MACO1: variants seen among roughly 807,000 people sequenced by gnomAD.
The protein encoded by MACO1 is macoilin 1.
MACO1 carries 14 observed loss-of-function variants against 78.7 expected under a neutral mutation model. The observed-to-expected ratio is 0.18, with a 90% confidence interval of 0.12 to 0.28. The LOEUF is 0.28. MACO1 is among the 10% of genes least tolerant of loss of function. The probability of loss-of-function intolerance (pLI) is 1.00; values close to 1 mark genes in which losing one functional copy is unlikely to be tolerated. For missense variants in MACO1, 501 were observed against 799.0 expected (o/e 0.63, Z 4.50); for synonymous variants, 288 against 291.6 (o/e 0.99, Z 0.12).
chr1:25,492,537 A>C (rs1455835124), intron 10 of MACO1, among the ~76,000 whole-genome samples: 1 of 152,006 alleles, frequency 6.6e-6, no homozygotes, highest in Non-Finnish European at 1.5e-5. Flanking sequence ...GGTACTCTGC[A>C]GGCAGAGGGT....
chr1:25,448,378 C>T (rs2043034193), intron 2 of MACO1, among the ~76,000 whole-genome samples: 1 of 152,080 alleles, frequency 6.6e-6, no homozygotes, highest in Non-Finnish European at 1.5e-5. Flanking sequence ...GCAGAAGAAT[C>T]GCTTGAACCC....
intron 6 of MACO1, among the ~76,000 whole-genome samples, chr1:25,469,763 A>G (rs1369750327): frequency 6.6e-6 from 1 of 151,130 alleles, no homozygotes; most frequent in Non-Finnish European, 1.5e-5. Context: ...CAGCCTCCCG[A>G]GTAGCTGGGA....
chr1:25,465,268 T>C (rs1043465812), intron 6 of MACO1, among the ~76,000 whole-genome samples: 1 of 152,254 alleles, frequency 6.6e-6, no homozygotes, highest in Non-Finnish European at 1.5e-5. Flanking sequence ...TATAAACATC[T>C]ATGTGCCGGT....
chr1:25,488,800 T>C (rs1240331451), intron 8 of MACO1, among the ~76,000 whole-genome samples: 4 of 152,100 alleles, frequency 2.6e-5, no homozygotes, highest in Non-Finnish European at 5.9e-5. Context: ...ATAGTCTTTT[T>C]TAAAATTTTA....
intron 6 of MACO1, among the ~76,000 whole-genome samples, chr1:25,468,948 C>G (rs1355002571): frequency 2.0e-5 from 3 of 152,178 alleles, no homozygotes; most frequent in Non-Finnish European, 2.9e-5. Context: ...TCAAGTAATT[C>G]TCCTGCCTCA....
chr1:25,483,182 C>T (rs2124606836), intron 6 of MACO1, among the ~76,000 whole-genome samples: 1 of 152,332 alleles, frequency 6.6e-6, no homozygotes, highest in East Asian at 1.9e-4. Flanking sequence ...TCCTGAGTAG[C>T]TGGGATTACA....
At chr1:25,443,585 A>G (rs185858396) in intron 1 of MACO1, among the ~76,000 whole-genome samples, 19 of 152,382 alleles carry the variant, frequency 1.2e-4, no homozygotes, top group Admixed American at 1.2e-3. Flanking sequence ...AAAGTTATGC[A>G]ATTGAAAAAG....
chr1:25,441,697 G>T (rs776575324), intron 1 of MACO1, among the ~76,000 whole-genome samples: 1 of 152,214 alleles, frequency 6.6e-6, no homozygotes, highest in Non-Finnish European at 1.5e-5. Context: ...ATGTAATGGG[G>T]TCCTAGTCTT....
At chr1:25,468,785 T>TAGAG (rs1187622919) in intron 6 of MACO1, among the ~76,000 whole-genome samples, 1 of 152,180 alleles carries the variant, frequency 6.6e-6, no homozygotes, top group Non-Finnish European at 1.5e-5. Flanking sequence ...GAGGGAGGCA[T>TAGAG]AGAGAGGCAC....
chr1:25,466,462 C>T (rs2043220154), intron 6 of MACO1, among the ~76,000 whole-genome samples: 1 of 152,068 alleles, frequency 6.6e-6, no homozygotes, highest in Non-Finnish European at 1.5e-5. Context: ...TACAGACATG[C>T]ACCACCATGC....
intron 6 of MACO1, among the ~76,000 whole-genome samples, chr1:25,479,371 C>A (rs959295879): frequency 6.6e-6 from 1 of 152,102 alleles, no homozygotes; most frequent in African/African-American, 2.4e-5. Context: ...TTAATAAATG[C>A]TTCTAGCACT....
In MACO1 at chr1:25,483,974, C is replaced by G. The variant is rs561546585; in HGVS notation, c.1155-142C>G. 119 of 757,292 alleles carry G rather than the reference C, an allele frequency of 1.6e-4. 1 individual carries two copies. In the South Asian group the frequency reaches 2.1e-3, roughly 13 times the overall value. 46.9% of individuals were successfully genotyped at this position (757,292 alleles called of 1,614,324 possible). ...TCAACAAAATTAACCCAGTTGCAGACAGGAGTCCTCATCATGGCAGGAACT... is the reference window on the plus strand; with the variant it reads ...TCAACAAAATTAACCCAGTTGCAGAGAGGAGTCCTCATCATGGCAGGAACT... On this transcript the variant is annotated intron_variant, in intron 6 of 10. Coordinates refer to ENST00000374343, the MANE Select transcript of MACO1 (RefSeq NM_018202.6).
At chr1:25,491,325 G>A (rs2043484015) in intron 9 of MACO1, 85 bp from the exon 10 acceptor site, 2 of 1,564,568 alleles carry the variant, frequency 1.3e-6, no homozygotes, top group Non-Finnish European at 1.7e-6. Flanking sequence ...AAGAATAGTG[G>A]GATTTAATTT....
intron 3 of MACO1, among the ~76,000 whole-genome samples, chr1:25,452,698 G>GTTT (rs1161208655): frequency 1.5e-5 from 2 of 133,964 alleles, no homozygotes; most frequent in Admixed American, 7.3e-5. Flanking sequence ...ACGGTGAATT[G>GTTT]TTTTTTTTTT....
At chr1:25,479,421 C>CT (rs1046239133) in intron 6 of MACO1, among the ~76,000 whole-genome samples, 48 of 149,348 alleles carry the variant, frequency 3.2e-4, no homozygotes, top group South Asian at 1.1e-3. Flanking sequence ...ACACATACTT[C>CT]TTTTTTTTTT....
chr1:25,477,162 G>C (rs2043327696), intron 6 of MACO1, among the ~76,000 whole-genome samples: 1 of 152,210 alleles, frequency 6.6e-6, no homozygotes, highest in African/African-American at 2.4e-5. Flanking sequence ...CACTAACATG[G>C]AGAGCTTTAG....
At chr1:25,457,064 T>C (rs112188213) in intron 5 of MACO1, among the ~76,000 whole-genome samples, 2,058 of 151,774 alleles carry the variant, frequency 0.014, 52 homozygotes, top group African/African-American at 0.047. Context: ...TTTTAAAATA[T>C]ATTTATATCT....
chr1:25,467,821 G>A (rs1013260088), intron 6 of MACO1, among the ~76,000 whole-genome samples: 12 of 149,328 alleles, frequency 8.0e-5, no homozygotes, highest in Non-Finnish European at 1.5e-4. Flanking sequence ...TTTTATCAAT[G>A]AAGTAAATGA....
At chr1:25,434,708 T>C (rs568770687) in intron 1 of MACO1, among the ~76,000 whole-genome samples, 11 of 152,340 alleles carry the variant, frequency 7.2e-5, no homozygotes, top group Middle Eastern at 3.4e-3. Context: ...GAGATAGATA[T>C]GAAAGTACTT....
Sources: allele counts gnomAD v4.1 joint callset (sites outside exome capture counted in the v4.1 genomes callset), GRCh38; gene constraint gnomAD v4.1.1; transcripts MANE v1.5; gene names NCBI Gene and HGNC (gene_info 2026-07-23, HGNC 2026-07-21).